FNDC1: variants seen among roughly 807,000 people sequenced by gnomAD.
FNDC1 encodes fibronectin type III domain-containing protein 1.
A neutral mutation model predicts 168.0 loss-of-function variants in FNDC1; 96 were observed. The ratio of observed to expected loss-of-function variants is 0.57; its 90% CI spans 0.48 to 0.68. The LOEUF is 0.68. Ranked by LOEUF, FNDC1 falls within the 30% of genes least tolerant of loss-of-function variation. The pLI, the probability that FNDC1 is intolerant of heterozygous loss-of-function variation, is 0.00. For synonymous variants in FNDC1, 1,099 were observed against 1,025.9 expected (o/e 1.07, Z -1.36); for missense variants, 2,587 against 2,482.1 (o/e 1.04, Z -0.90).
chr6:159,252,303 C>T (rs994350490), intron 17 of FNDC1, among the ~76,000 whole-genome samples: 1 of 152,020 alleles, frequency 6.6e-6, no homozygotes. Context: ...AGGTAGCGGT[C>T]GCATTAGAGG....
At chr6:159,261,595 A>C (rs1583921184) in intron 19 of FNDC1, among the ~76,000 whole-genome samples, 1 of 152,366 alleles carries the variant, frequency 6.6e-6, no homozygotes, top group East Asian at 1.9e-4. Flanking sequence ...AAATTATTGC[A>C]AGCACCTGAA....
intron 9 of FNDC1, 37 bp downstream of exon 9, chr6:159,226,617 A>G: frequency 6.7e-7 from 1 of 1,482,388 alleles, no homozygotes; most frequent in Non-Finnish European, 9.2e-7. Flanking sequence ...AGATGCATTG[A>G]TTCTGATGAA....
At position 159,232,799 on chromosome 6, in the gene FNDC1, A is replaced by T; in HGVS notation, c.2287A>T (p.Met763Leu). 1 of 1,613,944 alleles carries T rather than the reference A, an allele frequency of 6.2e-7. No homozygotes were observed. The highest frequency in any genetic ancestry group is 8.5e-7 in the Non-Finnish European group (1 of 1,179,898). ...CTCCAATGCGCCATCACGGTCCACC[A>T]TGTCCTCCTCCGTCTCTTCTCATCT... is the stretch of plus-strand genomic sequence containing the variant. ...TNSNAPSRST[M>L]SSSVSSHLSS... is the part of the protein sequence containing the mutation. Residue 763 changes from methionine to leucine, a missense_variant, in exon 11 of 23, where the codon ATG (methionine) becomes TTG (leucine). Coordinates refer to ENST00000297267, the MANE Select transcript of FNDC1 (RefSeq NM_032532.3). This position sits in a 1 kb window ranked among gnomAD's most constrained non-coding sequence, Gnocchi z 4.9.
chr6:159,177,748 C>G (rs1040977578), intron 1 of FNDC1, among the ~76,000 whole-genome samples: 3 of 152,150 alleles, frequency 2.0e-5, no homozygotes, highest in African/African-American at 7.2e-5. Flanking sequence ...ATCAGTCACA[C>G]TTAGAGGACA....
chr6:159,261,343 C>T, intron 19 of FNDC1, 74 bp downstream of exon 19: 1 of 1,021,616 alleles, frequency 9.8e-7, no homozygotes, highest in Non-Finnish European at 1.5e-6. Flanking sequence ...ATGATGGCTA[C>T]AATAGAATAA....
intron 7 of FNDC1, among the ~76,000 whole-genome samples, chr6:159,225,201 T>TCA (rs1368908549): frequency 1.3e-4 from 17 of 131,932 alleles, no homozygotes; most frequent in African/African-American, 5.3e-4. Flanking sequence ...ACACGCACAG[T>TCA]CACACACACA....
intron 21 of FNDC1, among the ~76,000 whole-genome samples, chr6:159,267,249 C>A (rs1187358707): frequency 6.6e-6 from 1 of 152,044 alleles, no homozygotes; most frequent in East Asian, 1.9e-4. Flanking sequence ...TCTTTCTCTT[C>A]CATCACTGTC....
In FNDC1 at chr6:159,191,318, C is replaced by T. The variant is rs79869955; in HGVS notation, c.110-6113C>T. 8.8e-3 allele frequency among the ~76,000 whole-genome samples: 1,346 copies of T among 152,234 alleles called. 20 individuals are homozygous for T. Among genetic ancestry groups the T allele is most frequent in the African/African-American group, 0.031 (1,285 of 41,528 alleles). On this transcript the variant is annotated intron_variant, in intron 1 of 22. Coordinates refer to ENST00000297267, the MANE Select transcript of FNDC1 (RefSeq NM_032532.3). ...AATGAATTGTCTAAGTACAGTGGGACCAGCAGTTTTGAGATCCAAAGATAA... is the reference window on the plus strand; with the variant it reads ...AATGAATTGTCTAAGTACAGTGGGATCAGCAGTTTTGAGATCCAAAGATAA...
intron 9 of FNDC1, among the ~76,000 whole-genome samples, chr6:159,227,620 G>A (rs1186522830): frequency 6.8e-6 from 1 of 147,602 alleles, no homozygotes; most frequent in Non-Finnish European, 1.5e-5. Context: ...TTTTTTTAAA[G>A]AATAGATTGT....
intron 1 of FNDC1, among the ~76,000 whole-genome samples, chr6:159,181,459 A>C (rs771301420): frequency 1.3e-5 from 2 of 152,252 alleles, no homozygotes; most frequent in Non-Finnish European, 2.9e-5. Flanking sequence ...TTCTGCGGGC[A>C]GGGCACTGTG....
rs559213199 is a variant in FNDC1 at position 159,255,033 on chromosome 6, C to T, written c.5066-1490C>T. ...TATAACTAGACTGTCCCATCCACATCTCCACTCCCACACCCAATCCATTCG... is the reference window on the plus strand; with the variant it reads ...TATAACTAGACTGTCCCATCCACATTTCCACTCCCACACCCAATCCATTCG... On this transcript the variant is annotated intron_variant, in intron 17 of 22. Coordinates refer to ENST00000297267, the MANE Select transcript of FNDC1 (RefSeq NM_032532.3). 6.6e-5 allele frequency among the ~76,000 whole-genome samples: 10 copies of T among 152,340 alleles called. No individual in the cohort carries two copies. The East Asian group carries it at 1.9e-3, about 29-fold the overall frequency.
chr6:159,215,876 A>T (rs1190400784), intron 5 of FNDC1, among the ~76,000 whole-genome samples: 1 of 152,086 alleles, frequency 6.6e-6, no homozygotes, highest in African/African-American at 2.4e-5. Context: ...ACCCAGATTG[A>T]GGGTGCGTCT....
intron 18 of FNDC1, among the ~76,000 whole-genome samples, chr6:159,259,878 G>A (rs1033718202): frequency 6.6e-6 from 1 of 152,210 alleles, no homozygotes; most frequent in Non-Finnish European, 1.5e-5. Flanking sequence ...TTTGCTTTCT[G>A]TTTAATCAAA....
Position 159,199,983 on chromosome 6 carries a change from C to G in FNDC1, c.305-13C>G, listed in dbSNP as rs1272330291. On this transcript the variant is annotated splice_polypyrimidine_tract_variant and intron_variant, in intron 2 of 22. Transcript: ENST00000297267. ...ATCTGAATTGGTGGCTTGATATGAA[C>G]CGTATGTTTCAGAGCCGGGGGTAGT... 6 of 1,595,262 alleles carry G rather than the reference C, an allele frequency of 3.8e-6. No individual in the cohort carries two copies. The highest frequency in any genetic ancestry group is 5.1e-6 in the Non-Finnish European group (6 of 1,169,692).
chr6:159,189,694 T>C (rs1353446449), intron 1 of FNDC1, among the ~76,000 whole-genome samples: 2 of 152,242 alleles, frequency 1.3e-5, no homozygotes, highest in East Asian at 3.9e-4. Flanking sequence ...CCGAATAGTA[T>C]AAGAAGTAAA....
intron 15 of FNDC1, among the ~76,000 whole-genome samples, chr6:159,247,221 C>T (rs1297539487): frequency 1.3e-5 from 2 of 152,114 alleles, no homozygotes; most frequent in Admixed American, 6.5e-5. Context: ...CCTGTGCTCC[C>T]CGTTCCCTCC....
intron 1 of FNDC1, among the ~76,000 whole-genome samples, chr6:159,196,679 T>C (rs1414903044): frequency 6.6e-6 from 1 of 152,246 alleles, no homozygotes; most frequent in Admixed American, 6.5e-5. Flanking sequence ...TTCACACACA[T>C]TTATATTATG....
chr6:159,244,025 T>C (rs1033161797), intron 14 of FNDC1, among the ~76,000 whole-genome samples: 5 of 152,232 alleles, frequency 3.3e-5, no homozygotes, highest in Non-Finnish European at 5.9e-5. Context: ...GGAAATGATA[T>C]ACTTTTCCCT....
At chr6:159,178,936 A>G (rs1781824900) in intron 1 of FNDC1, among the ~76,000 whole-genome samples, 1 of 152,090 alleles carries the variant, frequency 6.6e-6, no homozygotes, top group Non-Finnish European at 1.5e-5. Context: ...CGTGATGCAC[A>G]ATGTCACAGA....
Sources: allele counts gnomAD v4.1 joint callset (sites outside exome capture counted in the v4.1 genomes callset), GRCh38; gene constraint gnomAD v4.1.1; non-coding constraint Gnocchi (gnomAD v3.1); transcripts MANE v1.5; gene names NCBI Gene and HGNC (gene_info 2026-07-23, HGNC 2026-07-21).